SGCG: variants seen among roughly 807,000 people sequenced by gnomAD.
SGCG encodes the protein gamma-sarcoglycan.
A neutral mutation model predicts 29.3 loss-of-function variants in SGCG; 26 were observed. The ratio of observed to expected loss-of-function variants is 0.89; its 90% CI spans 0.65 to 1.23. The LOEUF (loss-of-function observed/expected upper bound fraction) is 1.23. Among genes scored for constraint, SGCG ranks in the 50% most tolerant of loss-of-function variants. SGCG has a pLI of 0.00. For missense variants in SGCG, 353 were observed against 356.0 expected (o/e 0.99, Z 0.07); for synonymous variants, 145 against 129.7 (o/e 1.12, Z -0.80).
chr13:23,192,699 A>G (rs1877325847), intron 1 of SGCG, among the ~76,000 whole-genome samples: 1 of 152,200 alleles, frequency 6.6e-6, no homozygotes, highest in Non-Finnish European at 1.5e-5. Flanking sequence ...CCCGGCTGGT[A>G]GGGTCTTTAT....
chr13:23,285,999 A>C (rs912045567), intron 5 of SGCG, among the ~76,000 whole-genome samples: 1 of 151,476 alleles, frequency 6.6e-6, no homozygotes, highest in Non-Finnish European at 1.5e-5. Context: ...TGCAGAAATC[A>C]CCCATCTTCT....
chr13:23,284,165 G>C (rs1283298077), intron 5 of SGCG, among the ~76,000 whole-genome samples: 1 of 152,134 alleles, frequency 6.6e-6, no homozygotes, highest in Non-Finnish European at 1.5e-5. Flanking sequence ...TTGCTAGTTT[G>C]GGGAAGTTCT....
the SGCG span, among the ~76,000 whole-genome samples, chr13:23,161,384 T>C: frequency 6.6e-6 from 1 of 152,222 alleles, no homozygotes; most frequent in Non-Finnish European, 1.5e-5. Context: ...ACTCATCCAG[T>C]GATAATATTG....
intron 1 of SGCG, among the ~76,000 whole-genome samples, chr13:23,181,621 A>G (rs1314454204): frequency 1.3e-5 from 2 of 152,238 alleles, no homozygotes; most frequent in Admixed American, 6.5e-5. Flanking sequence ...AAAAGGGAAG[A>G]ATGTTTCTTT....
At chr13:23,213,367 A>C (rs1032123781) in intron 2 of SGCG, among the ~76,000 whole-genome samples, 1 of 152,186 alleles carries the variant, frequency 6.6e-6, no homozygotes, top group Non-Finnish European at 1.5e-5. Context: ...CTGTGATCTC[A>C]GCTACTTGGG....
chr13:23,234,561 A>C, intron 2 of SGCG, 50 bp from the exon 3 acceptor site: 1 of 1,277,530 alleles, frequency 7.8e-7, no homozygotes, highest in Non-Finnish European at 1.1e-6. Flanking sequence ...AGAGGAATGA[A>C]AAAGCAAGCA....
chr13:23,250,652 C>T lies in SGCG; in HGVS notation c.320C>T (p.Ser107Leu), dbSNP rs772017929. Residue 107 changes from serine to leucine, a missense_variant, in exon 4 of 8, where the codon TCA (serine) becomes TTA (leucine). Coordinates refer to ENST00000218867, the MANE Select transcript of SGCG (RefSeq NM_000231.3). ...SRVDSSLLLQ[S>L]TQNVTVNARN... ...TAGGACTCATCTCTGCTTCTACAAT[C>T]AACCCAGAATGTGACTGTAAATGCG... 1.2e-6 allele frequency: 2 copies of T among 1,611,948 alleles called. No individual in the cohort carries two copies. The highest frequency in any genetic ancestry group is 4.5e-5 in the East Asian group (2 of 44,886).
At chr13:23,311,311 C>T (rs1208923379) in intron 6 of SGCG, among the ~76,000 whole-genome samples, 1 of 152,230 alleles carries the variant, frequency 6.6e-6, no homozygotes, top group African/African-American at 2.4e-5. Context: ...TTAGTTTATA[C>T]TTGAGTATCA....
chr13:23,227,739 G>A (rs1261633378), intron 2 of SGCG, among the ~76,000 whole-genome samples: 1 of 152,176 alleles, frequency 6.6e-6, no homozygotes, highest in African/African-American at 2.4e-5. Flanking sequence ...ACAGAAATGA[G>A]ATCAGTGGCT....
intron 1 of SGCG, among the ~76,000 whole-genome samples, chr13:23,200,048 A>C (rs1877677912): frequency 6.6e-6 from 1 of 152,246 alleles, no homozygotes. Flanking sequence ...ACAGGCTTCA[A>C]ATTAACTCAT....
At chr13:23,172,353 T>C in the SGCG span, among the ~76,000 whole-genome samples, 2 of 152,218 alleles carry the variant, frequency 1.3e-5, no homozygotes, top group Non-Finnish European at 2.9e-5. Flanking sequence ...CATATCTCAA[T>C]ATGTGTTGAC....
chr13:23,226,181 T>G (rs1205530106), intron 2 of SGCG, among the ~76,000 whole-genome samples: 1 of 152,166 alleles, frequency 6.6e-6, no homozygotes, highest in Non-Finnish European at 1.5e-5. Flanking sequence ...CAAGACATTA[T>G]CAATTTGCAT....
At chr13:23,323,569 C>T (rs1250128210) in intron 7 of SGCG, among the ~76,000 whole-genome samples, 3 of 152,200 alleles carry the variant, frequency 2.0e-5, no homozygotes, top group Non-Finnish European at 4.4e-5. Context: ...CTGGATGTGA[C>T]GATTTTTATT....
chr13:23,214,836 G>A (rs1180345256), intron 2 of SGCG, among the ~76,000 whole-genome samples: 1 of 152,096 alleles, frequency 6.6e-6, no homozygotes, highest in Admixed American at 6.6e-5. Context: ...CTTTCTAAAA[G>A]GTATTATATC....
At chr13:23,177,955 CA>C (rs1213972773), upstream of SGCG, among the ~76,000 whole-genome samples, 2 of 152,150 alleles carry the variant, frequency 1.3e-5, no homozygotes, top group East Asian at 3.9e-4. Flanking sequence ...CAAAGATAGC[CA>C]GGCACCCAAG....
At chr13:23,306,291 T>C (rs1440120861) in intron 6 of SGCG, among the ~76,000 whole-genome samples, 1 of 152,304 alleles carries the variant, frequency 6.6e-6, no homozygotes, top group East Asian at 1.9e-4. Flanking sequence ...AAAGGTTTGA[T>C]GGAATTTTCT....
intron 3 of SGCG, chr13:23,244,997 C>T (rs34858523): frequency 0.15 from 22,857 of 152,054 alleles, 1,768 homozygotes; most frequent in East Asian, 0.29. Flanking sequence ...GGGACAGAGG[C>T]CCCAAAGGCC....
At chr13:23,174,280 C>CA in the SGCG span, among the ~76,000 whole-genome samples, 3 of 152,160 alleles carry the variant, frequency 2.0e-5, no homozygotes, top group Admixed American at 2.0e-4. Context: ...GAGCCTGCAT[C>CA]ACACCAATAC....
intron 2 of SGCG, among the ~76,000 whole-genome samples, chr13:23,215,932 A>G (rs200191445): frequency 1.1e-5 from 1 of 90,928 alleles, no homozygotes; most frequent in African/African-American, 4.6e-5. Flanking sequence ...TTACAAGACT[A>G]TGTGCACAAA....
Sources: allele counts gnomAD v4.1 joint callset (sites outside exome capture counted in the v4.1 genomes callset), GRCh38; gene constraint gnomAD v4.1.1; transcripts MANE v1.5; gene names NCBI Gene and HGNC (gene_info 2026-07-23, HGNC 2026-07-21).